The following ZSWIM7 variants were observed in gnomAD, a reference collection of about 807,000 sequenced individuals.
ZSWIM7 encodes zinc finger SWIM domain-containing protein 7.
ZSWIM7 carries 22 observed loss-of-function variants against 21.1 expected under a neutral mutation model. The ratio of observed to expected loss-of-function variants is 1.04; its 90% CI spans 0.74 to 1.49. The LOEUF (loss-of-function observed/expected upper bound fraction) is 1.49. Ranked by LOEUF, ZSWIM7 falls within the 40% of genes most tolerant of loss-of-function variation. ZSWIM7 has a pLI of 0.00. For synonymous variants in ZSWIM7, 67 were observed against 66.5 expected (o/e 1.01, Z -0.04); for missense variants, 193 against 168.0 (o/e 1.15, Z -0.82).
chr17:15,980,073 C>T (rs1445479736), intron 4 of ZSWIM7, among the ~76,000 whole-genome samples: 3 of 149,248 alleles, frequency 2.0e-5, no homozygotes, highest in African/African-American at 7.4e-5. Context: ...GGCGGCTGGC[C>T]GGGCAGAGGG....
At chr17:15,979,384 A>T (rs1321038277) in intron 4 of ZSWIM7, among the ~76,000 whole-genome samples, 2 of 152,156 alleles carry the variant, frequency 1.3e-5, no homozygotes, top group African/African-American at 4.8e-5. Flanking sequence ...TCCCATGTCT[A>T]CTTCTTTCCA....
intron 4 of ZSWIM7, 29 bp from the exon 5 acceptor site, chr17:15,978,192 G>C: frequency 6.4e-7 from 1 of 1,564,212 alleles, no homozygotes; most frequent in Non-Finnish European, 8.8e-7. Context: ...ACACCTATTA[G>C]AAACAGGCAG....
chr17:15,979,984 G>A (rs1284567329), intron 4 of ZSWIM7, among the ~76,000 whole-genome samples: 9 of 143,660 alleles, frequency 6.3e-5, no homozygotes, highest in Admixed American at 2.0e-4. Flanking sequence ...AGGGGCAGCC[G>A]GGCAGAGGTG....
chr17:15,996,145 G>C (rs1374175476), intron 1 of ZSWIM7, among the ~76,000 whole-genome samples: 1 of 152,054 alleles, frequency 6.6e-6, no homozygotes, highest in African/African-American at 2.4e-5. Flanking sequence ...ACTAAAAATA[G>C]AAAAACTATT....
At position 15,979,595 on chromosome 17, in the gene ZSWIM7, G is replaced by C. The variant is rs566802651; in HGVS notation, c.307-1432C>G. ...CAGAGGCGCCCCTCACCTCCCGGAC[G>C]AGGCGGCTGGCCAGGCGGGGGGCTG... On this transcript the variant is annotated intron_variant, in intron 4 of 4. Coordinates refer to ENST00000399277, the MANE Select transcript of ZSWIM7 (RefSeq NM_001042697.2). 8.5e-3 allele frequency among the ~76,000 whole-genome samples: 1,279 copies of C among 149,964 alleles called. 24 individuals are homozygous for C. The highest frequency in any genetic ancestry group is 0.03 in the African/African-American group (1,196 of 40,480).
chr17:15,981,145 C>G lies in ZSWIM7; in HGVS notation c.202-1G>C. ...ATGTTTTACTGGAACTTCCAAGGAC[C>G]TACAAAGAAAGGATAGATGGGATCA... On this transcript the variant is annotated splice_acceptor_variant, in intron 3 of 4. Coordinates refer to ENST00000399277, the MANE Select transcript of ZSWIM7 (RefSeq NM_001042697.2). LOFTEE classifies it high-confidence loss of function. 1 of 1,612,106 alleles carries G rather than the reference C, an allele frequency of 6.2e-7. No homozygotes were observed. The highest frequency in any genetic ancestry group is 8.5e-7 in the Non-Finnish European group (1 of 1,178,550).
Position 15,999,590 on chromosome 17 carries a change from G to A in ZSWIM7, c.5C>T (p.Ala2Val), listed in dbSNP as rs767957227. The part of the protein sequence containing the change: M[A>V]VVLPAVVEEL... Reference sequence around the variant, plus strand: ...CTCCACAACCGCCGGCAACACTACGGCCATCGCGCCGCAGGACACGCCCTC... The same window carrying A: ...CTCCACAACCGCCGGCAACACTACGACCATCGCGCCGCAGGACACGCCCTC... Residue 2 changes from alanine (A) to valine (V), a missense_variant, in exon 1 of 5, where the codon GCC (alanine) becomes GTC (valine). Physicochemically the swap from Ala to Val is moderately conservative, Grantham distance 64. Transcript: ENST00000399277. The A allele has an allele frequency of 1.3e-6, 2 of 1,576,596 alleles. No homozygotes were observed. The highest frequency in any genetic ancestry group is 1.7e-6 in the Non-Finnish European group (2 of 1,162,544).
intron 2 of ZSWIM7, 53 bp from the exon 3 acceptor site, chr17:15,987,421 A>C: frequency 6.8e-7 from 1 of 1,463,286 alleles, no homozygotes; most frequent in Non-Finnish European, 9.5e-7. Context: ...AAGTCACCTC[A>C]GTAACTTGCC....
At chr17:15,995,833 A>G (rs1970546729) in intron 1 of ZSWIM7, among the ~76,000 whole-genome samples, 1 of 151,932 alleles carries the variant, frequency 6.6e-6, no homozygotes, top group African/African-American at 2.4e-5. Context: ...TTCTAGCTTG[A>G]AAGGGCCCAC....
chr17:15,992,052 G>T (rs1179240357), intron 2 of ZSWIM7, among the ~76,000 whole-genome samples: 1 of 151,488 alleles, frequency 6.6e-6, no homozygotes, highest in African/African-American at 2.4e-5. Flanking sequence ...TCAGCCCCCC[G>T]AATAGCTGGG....
rs1165372762 is a variant in ZSWIM7, at chr17:15,999,688, G to C, written c.-94C>G. On this transcript the variant is annotated 5_prime_UTR_variant, in exon 1 of 5. Coordinates refer to ENST00000399277, the MANE Select transcript of ZSWIM7 (RefSeq NM_001042697.2). ...TGGAGGATCCTGACCCCCCGCCGGGGCAGGGCGAGACGGAGTGACGTCGGG... is the reference window on the plus strand; with the variant it reads ...TGGAGGATCCTGACCCCCCGCCGGGCCAGGGCGAGACGGAGTGACGTCGGG... The C allele has an allele frequency of 6.4e-6, 10 of 1,555,316 alleles. No individual in the cohort carries two copies. The highest frequency in any genetic ancestry group is 2.7e-5 in the African/African-American group (2 of 73,420).
At chr17:15,991,660 C>T (rs1414673919) in intron 2 of ZSWIM7, among the ~76,000 whole-genome samples, 1 of 151,984 alleles carries the variant, frequency 6.6e-6, no homozygotes, top group Non-Finnish European at 1.5e-5. Flanking sequence ...CATTTTTTTC[C>T]AGTAATATTT....
intron 3 of ZSWIM7, among the ~76,000 whole-genome samples, chr17:15,984,678 T>C (rs557092287): frequency 6.6e-6 from 1 of 152,356 alleles, no homozygotes; most frequent in East Asian, 1.9e-4. Flanking sequence ...GAAAACAGGA[T>C]TATACATTCC....
At chr17:15,999,483 C>T (rs1232844078) in intron 1 of ZSWIM7, 36 bp downstream of exon 1, 2 of 1,592,412 alleles carry the variant, frequency 1.3e-6, no homozygotes, top group East Asian at 4.5e-5. Context: ...CCCGCCCGCG[C>T]CCATGGCGCA....
intron 2 of ZSWIM7, among the ~76,000 whole-genome samples, chr17:15,989,028 T>A (rs113574087): frequency 9.9e-5 from 15 of 151,712 alleles, no homozygotes; most frequent in African/African-American, 3.4e-4. Flanking sequence ...AAAAAAAAAA[T>A]AAATGAAACA....
At chr17:15,978,942 T>G (rs903238321) in intron 4 of ZSWIM7, among the ~76,000 whole-genome samples, 2 of 149,842 alleles carry the variant, frequency 1.3e-5, no homozygotes, top group Non-Finnish European at 3.0e-5. Context: ...TCTAGGCTAC[T>G]CTCTCTTTTT....
intron 3 of ZSWIM7, among the ~76,000 whole-genome samples, 200 bp from the exon 4 acceptor site, chr17:15,981,344 TAGGACAGCATATAA>T (rs1970352853): frequency 6.6e-6 from 1 of 152,086 alleles, no homozygotes; most frequent in Non-Finnish European, 1.5e-5. Context: ...TGCTCACCTT[TAGGACAGCATATAA>T]AGGAACTGAA....
intron 1 of ZSWIM7, among the ~76,000 whole-genome samples, chr17:15,994,975 A>C (rs2151631196): frequency 6.6e-6 from 1 of 152,368 alleles, no homozygotes; most frequent in South Asian, 2.1e-4. Context: ...GAAAAAGGAA[A>C]TAGAATAAAA....
In ZSWIM7 at chr17:15,977,146, T is replaced by TACTA. The variant is rs1482270925; in HGVS notation, c.*897_*900dup. On this transcript the variant is annotated 3_prime_UTR_variant, in exon 5 of 5. Transcript: ENST00000399277. Reference sequence around the variant, plus strand: ...AAACCAGTTCTTCCCTTGTTCTCGATACTAACTCTCAAACAATACAGTCTA... The same window carrying TACTA: ...AAACCAGTTCTTCCCTTGTTCTCGATACTAACTAACTCTCAAACAATACAGTCTA... 1 of 152,208 alleles carries TACTA rather than the reference T, an allele frequency of 6.6e-6. No individual in the cohort carries two copies. Among genetic ancestry groups the TACTA allele is most frequent in the Non-Finnish European group, 1.5e-5 (1 of 68,028 alleles). The allele number at this position is 152,208 out of a possible 1,614,324, so 9.4% of individuals were successfully genotyped here. A position where few individuals can be genotyped will look rare whatever the true frequency, so the allele number is the denominator to read the frequency against.
Sources: allele counts gnomAD v4.1 joint callset (sites outside exome capture counted in the v4.1 genomes callset), GRCh38; gene constraint gnomAD v4.1.1; transcripts MANE v1.5; gene names NCBI Gene and HGNC (gene_info 2026-07-23, HGNC 2026-07-21).